MED24: variants seen among roughly 807,000 people sequenced by gnomAD.
The protein encoded by MED24 is mediator complex subunit 24, also known as mediator of RNA polymerase II transcription subunit 24.
In MED24, 74 loss-of-function variants were observed where a neutral mutation model predicts 118.8. That is an observed-to-expected ratio of 0.62 (90% CI 0.52 to 0.76). The LOEUF is 0.76. Ranked by LOEUF, MED24 falls within the 30% of genes least tolerant of loss-of-function variation. MED24 has a pLI of 0.00. For missense variants in MED24, 1,041 were observed against 1,278.9 expected (o/e 0.81, Z 2.84); for synonymous variants, 521 against 523.9 (o/e 0.99, Z 0.08).
chr17:40,027,609 G>C, intron 15 of MED24, 144 bp from the exon 16 acceptor site: 1 of 777,816 alleles, frequency 1.3e-6, no homozygotes, highest in East Asian at 2.7e-5. Context: ...TCCTTTTCTT[G>C]AGTCTCAACT....
At chr17:40,025,552 G>A (rs1320184588) in intron 19 of MED24, among the ~76,000 whole-genome samples, 2 of 152,202 alleles carry the variant, frequency 1.3e-5, no homozygotes, top group East Asian at 1.9e-4. Context: ...ATAGGAAGCT[G>A]TTGTTCAGTG....
intron 22 of MED24, 101 bp from the exon 23 acceptor site, chr17:40,022,155 C>G: frequency 2.0e-6 from 2 of 998,154 alleles, no homozygotes; most frequent in Non-Finnish European, 3.0e-6. Flanking sequence ...GTCAGCATGG[C>G]TAGCAGGGCC....
chr17:40,037,944 C>G (rs975989006), intron 3 of MED24, among the ~76,000 whole-genome samples: 1 of 151,946 alleles, frequency 6.6e-6, no homozygotes, highest in Non-Finnish European at 1.5e-5. Flanking sequence ...ACACACATAC[C>G]CTGAGCTTGT....
Position 40,023,201 on chromosome 17 carries a change from C to T in MED24, c.2180G>A (p.Arg727His). The change falls in exon 20 of 26, where the codon CGC (arginine) becomes CAC (histidine). Residue 727 changes from arginine (R) to histidine (H), a missense_variant. Arg to His is a conservative substitution (Grantham distance 29). Coordinates refer to ENST00000394128, the MANE Select transcript of MED24 (RefSeq NM_014815.4). ...KVLEKGWVDS[R>H]SIHIFDTLLH... is the part of the protein sequence containing the mutation. Reference sequence around the variant, plus strand: ...CAGGGTGTCAAAGATGTGGATGGAGCGGCTGTCCACCCAGCCCTTCTCCAG... The same window carrying T: ...CAGGGTGTCAAAGATGTGGATGGAGTGGCTGTCCACCCAGCCCTTCTCCAG... 7 of 1,614,012 alleles carry T rather than the reference C, an allele frequency of 4.3e-6. No homozygotes were observed. Among genetic ancestry groups the T allele is most frequent in the East Asian group, 2.2e-5 (1 of 44,872 alleles).
chr17:40,050,151 CAAA>C (rs530636875), intron 3 of MED24, among the ~76,000 whole-genome samples: 6 of 74,070 alleles, frequency 8.1e-5, no homozygotes, highest in Non-Finnish European at 1.0e-4. Flanking sequence ...AACTCCGTCT[CAAA>C]AAAAAAAAAA....
intron 12 of MED24, among the ~76,000 whole-genome samples, chr17:40,030,138 G>A (rs1397797107): frequency 6.6e-6 from 1 of 151,588 alleles, no homozygotes; most frequent in East Asian, 1.9e-4. Context: ...GTAGCTGGGC[G>A]CTCACCACCA....
intron 3 of MED24, among the ~76,000 whole-genome samples, chr17:40,038,275 T>C (rs976336652): frequency 1.3e-5 from 2 of 152,176 alleles, no homozygotes; most frequent in Non-Finnish European, 2.9e-5. Flanking sequence ...TTTGAACAGA[T>C]GAATTCTACT....
intron 3 of MED24, among the ~76,000 whole-genome samples, chr17:40,039,621 T>G (rs1161066371): frequency 1.3e-5 from 2 of 152,104 alleles, no homozygotes; most frequent in Non-Finnish European, 2.9e-5. Context: ...CCCATCAGTG[T>G]TTATACATCT....
chr17:40,026,077 A>G (rs986217781), intron 19 of MED24, 79 bp downstream of exon 19: 4 of 1,452,676 alleles, frequency 2.8e-6, no homozygotes, highest in Non-Finnish European at 3.8e-6. Flanking sequence ...GTCAGAAAAG[A>G]GAGGGGTGCT....
intron 1 of MED24, 168 bp from the exon 2 acceptor site, chr17:40,053,803 T>C: frequency 1.1e-6 from 1 of 909,994 alleles, no homozygotes; most frequent in Non-Finnish European, 1.6e-6. Context: ...TCAGACTCTC[T>C]CCTCCTGAAC....
At chr17:40,045,655 C>CG (rs1407109037) in intron 3 of MED24, among the ~76,000 whole-genome samples, 1 of 151,760 alleles carries the variant, frequency 6.6e-6, no homozygotes, top group Non-Finnish European at 1.5e-5. Flanking sequence ...TGTTTTGGTG[C>CG]GCACCTGTAG....
chr17:40,044,194 TTGTGTATTTATGAATA>T (rs1470936332), intron 3 of MED24, among the ~76,000 whole-genome samples: 1 of 151,282 alleles, frequency 6.6e-6, no homozygotes, highest in Admixed American at 6.6e-5. Flanking sequence ...ATATATTTAT[TTGTGTATTTATGAATA>T]CATAAATTAT....
At chr17:40,034,409 G>A (rs1249313558) in intron 6 of MED24, among the ~76,000 whole-genome samples, 2 of 152,196 alleles carry the variant, frequency 1.3e-5, no homozygotes, top group African/African-American at 4.8e-5. Context: ...GAAGCCTCGA[G>A]AGTAGCCCAT....
chr17:40,028,485 T>A (rs1384006536), intron 14 of MED24, among the ~76,000 whole-genome samples: 1 of 152,194 alleles, frequency 6.6e-6, no homozygotes, highest in Non-Finnish European at 1.5e-5. Context: ...ATGTTCTATA[T>A]ATGTCAAATT....
At chr17:40,020,725 T>C (rs1447008551) in intron 23 of MED24, 6 of 347,134 alleles carry the variant, frequency 1.7e-5, no homozygotes, top group Non-Finnish European at 3.4e-5. Flanking sequence ...AAGGCTGCAG[T>C]GAGCCGAGAT....
chr17:40,024,805 G>C (rs1450347446), intron 19 of MED24, among the ~76,000 whole-genome samples: 1 of 151,972 alleles, frequency 6.6e-6, no homozygotes, highest in African/African-American at 2.4e-5. Flanking sequence ...GCGTGATCTC[G>C]GCTCACTGCA....
rs757128067 is a variant in MED24 at position 40,026,280 on chromosome 17, C to T, written c.1861G>A (p.Val621Met). ...GKVCSLAVCA[V>M]AWLVAHVRML... ...CGGACGTGGGCCACAAGCCAAGCCA[C>T]AGCACACACCGCCAGACTGCATACC... is the stretch of plus-strand genomic sequence containing the variant. Residue 621 changes from valine (V) to methionine (M), a missense_variant, in exon 19 of 26, where the codon GTG becomes ATG. Around this residue, in one of 3 missense-constraint regions of MED24, gnomAD observed 587 missense variants for 694.4 expected, o/e 0.85. Transcript: ENST00000394128. 6 of 1,614,110 alleles carry T rather than the reference C, an allele frequency of 3.7e-6. No individual in the cohort carries two copies. Among genetic ancestry groups the T allele is most frequent in the Non-Finnish European group, 2.5e-6 (3 of 1,180,056 alleles).
chr17:40,048,391 C>T (rs1238172301), intron 3 of MED24, among the ~76,000 whole-genome samples: 1 of 152,102 alleles, frequency 6.6e-6, no homozygotes, highest in Non-Finnish European at 1.5e-5. Context: ...CCTGGAAGCT[C>T]CATAACATGT....
chr17:40,019,354 C>G lies in MED24; in HGVS notation c.*175G>C. The G allele has an allele frequency of 1.6e-6, 1 of 614,434 alleles. No individual in the cohort carries two copies. Among genetic ancestry groups the G allele is most frequent in the Non-Finnish European group, 2.8e-6 (1 of 351,910 alleles). The allele number at this position is 614,434 out of a possible 1,614,324, so 38.1% of individuals were successfully genotyped here. A position where few individuals can be genotyped will look rare whatever the true frequency, so the allele number is the denominator to read the frequency against. ...GGAGAGGAAATTTTGAAAGAAGAAA[C>G]CGGGAGACATCCTGGAGGTCAGGAG... On this transcript the variant is annotated 3_prime_UTR_variant, in exon 26 of 26. Transcript: ENST00000394128.
Sources: allele counts gnomAD v4.1 joint callset (sites outside exome capture counted in the v4.1 genomes callset), GRCh38; gene constraint gnomAD v4.1.1; regional missense constraint gnomAD v4.1.1; transcripts MANE v1.5; gene names NCBI Gene and HGNC (gene_info 2026-07-23, HGNC 2026-07-21).